PAPPA: variants seen among roughly 807,000 people sequenced by gnomAD.
PAPPA encodes pappalysin-1.
A neutral mutation model predicts 164.0 loss-of-function variants in PAPPA; 60 were observed. The observed-to-expected ratio is 0.37, with a 90% CI of 0.30 to 0.45. PAPPA has a LOEUF of 0.45. Ranked by LOEUF, PAPPA falls within the 20% of genes least tolerant of loss-of-function variation. The pLI, the probability that PAPPA is intolerant of heterozygous loss-of-function variation, is 1.00. For missense variants in PAPPA, 1,782 were observed against 2,087.3 expected (o/e 0.85, Z 2.85); for synonymous variants, 875 against 814.1 (o/e 1.07, Z -1.27).
chr9:116,200,728 T>C (rs1286816583), intron 2 of PAPPA, among the ~76,000 whole-genome samples: 1 of 152,204 alleles, frequency 6.6e-6, no homozygotes, highest in Non-Finnish European at 1.5e-5. Context: ...GCAAAGTTTC[T>C]GGCTTAAACA....
At chr9:116,253,765 T>C (rs1844889199) in intron 7 of PAPPA, among the ~76,000 whole-genome samples, 1 of 152,196 alleles carries the variant, frequency 6.6e-6, no homozygotes, top group Admixed American at 6.5e-5. Flanking sequence ...TAATCACAGC[T>C]CCAACGCCAT....
chr9:116,370,638 G>C (rs1436637516), intron 19 of PAPPA, among the ~76,000 whole-genome samples: 1 of 152,126 alleles, frequency 6.6e-6, no homozygotes, highest in Non-Finnish European at 1.5e-5. Context: ...GAAGATCCAG[G>C]CACTGCTGGC....
intron 9 of PAPPA, among the ~76,000 whole-genome samples, chr9:116,300,724 G>A (rs1194691729): frequency 2.6e-5 from 4 of 152,140 alleles, no homozygotes; most frequent in African/African-American, 9.7e-5. Flanking sequence ...AATCTGTCTT[G>A]TTTCTCCTTG....
chr9:116,292,737 G>A (rs193194516), intron 9 of PAPPA, among the ~76,000 whole-genome samples: 141 of 152,242 alleles, frequency 9.3e-4, no homozygotes, highest in Non-Finnish European at 9.9e-4. Flanking sequence ...GGCTATAAAT[G>A]TTTCAGTGAT....
intron 14 of PAPPA, among the ~76,000 whole-genome samples, chr9:116,346,304 C>A (rs1846208895): frequency 6.6e-6 from 1 of 152,140 alleles, no homozygotes. Context: ...TGGTTCAAAT[C>A]TCCATTTACT....
rs199762959 is a variant in PAPPA at position 116,226,008 on chromosome 9, TC to T, written c.2112-1422del. Among the ~76,000 whole-genome samples, 565 of 117,108 alleles carry T rather than the reference TC, an allele frequency of 4.8e-3. 8 individuals are homozygous for T. Among genetic ancestry groups the T allele is most frequent in the African/African-American group, 0.018 (549 of 30,396 alleles). The allele number at this position is 117,108 out of a possible 152,430, so 76.8% of individuals were successfully genotyped here. Reference sequence around the variant, plus strand: ...CTATTAGGATAAACTCTCCTGCATGTCAAAAAAAGTTTTCACAGAGGAAATG... The same window carrying T: ...CTATTAGGATAAACTCTCCTGCATGTAAAAAAAGTTTTCACAGAGGAAATG... On this transcript the variant is annotated intron_variant, in intron 5 of 21. Transcript: ENST00000328252.
chr9:116,274,415 G>A (rs1845173366), intron 9 of PAPPA, among the ~76,000 whole-genome samples: 1 of 152,200 alleles, frequency 6.6e-6, no homozygotes, highest in African/African-American at 2.4e-5. Context: ...TCCTCCGAAA[G>A]GAACAGCTGA....
intron 13 of PAPPA, among the ~76,000 whole-genome samples, chr9:116,339,756 G>A (rs1054045781): frequency 6.6e-6 from 1 of 152,166 alleles, no homozygotes; most frequent in Admixed American, 6.6e-5. Context: ...CGTGAGTCAA[G>A]GAACAGAACC....
At chr9:116,186,276 A>G (rs560391272) in intron 1 of PAPPA, among the ~76,000 whole-genome samples, 20 of 151,272 alleles carry the variant, frequency 1.3e-4, no homozygotes, top group African/African-American at 4.6e-4. Context: ...ATAGATATAG[A>G]TATAGATATA....
intron 13 of PAPPA, among the ~76,000 whole-genome samples, chr9:116,341,441 C>T (rs1332994737): frequency 1.3e-5 from 2 of 152,168 alleles, no homozygotes; most frequent in African/African-American, 2.4e-5. Context: ...CTGATTATAC[C>T]TCTGCCCCAA....
intron 2 of PAPPA, among the ~76,000 whole-genome samples, chr9:116,205,945 G>T (rs1844229520): frequency 6.6e-6 from 1 of 152,170 alleles, no homozygotes; most frequent in Non-Finnish European, 1.5e-5. Context: ...CCACTCTGTT[G>T]CATTGCTTCA....
intron 21 of PAPPA, among the ~76,000 whole-genome samples, chr9:116,394,747 G>T (rs1846939688): frequency 6.6e-6 from 1 of 152,210 alleles, no homozygotes; most frequent in African/African-American, 2.4e-5. Flanking sequence ...AAGAAGAGAG[G>T]TGCTGCTTGG....
intron 18 of PAPPA, among the ~76,000 whole-genome samples, chr9:116,363,594 G>A (rs1588021208): frequency 6.6e-6 from 1 of 152,300 alleles, no homozygotes; most frequent in Middle Eastern, 3.4e-3. Flanking sequence ...CAGTGATGCT[G>A]ACCTTTTGGG....
intron 6 of PAPPA, among the ~76,000 whole-genome samples, chr9:116,231,333 C>T (rs1844589065): frequency 6.6e-6 from 1 of 151,674 alleles, no homozygotes; most frequent in Non-Finnish European, 1.5e-5. Flanking sequence ...ACCTTTCCTC[C>T]TCCCCCTTCC....
intron 2 of PAPPA, among the ~76,000 whole-genome samples, chr9:116,194,015 A>G (rs1844074824): frequency 1.3e-5 from 2 of 152,204 alleles, no homozygotes; most frequent in African/African-American, 4.8e-5. Flanking sequence ...TGTAGTGATA[A>G]TAGGGTAAAT....
Position 116,154,161 on chromosome 9 carries a change from G to GGGGGGGGGGGGGC in PAPPA, c.-12_-11insGGGGGGGGGGGGC. 2 of 1,224,434 alleles carry GGGGGGGGGGGGGC rather than the reference G, an allele frequency of 1.6e-6. No homozygotes were observed. The highest frequency in any genetic ancestry group is 2.2e-6 in the Non-Finnish European group (2 of 926,424). The allele number at this position is 1,224,434 out of a possible 1,614,324, so 75.8% of individuals were successfully genotyped here. A position where few individuals can be genotyped will look rare whatever the true frequency, so the allele number is the denominator to read the frequency against. On this transcript the variant is annotated 5_prime_UTR_variant, in exon 1 of 22. Transcript: ENST00000328252. This position sits in a 1 kb window ranked among gnomAD's most constrained non-coding sequence, Gnocchi z 5.2. ...TGCAGGGGCGAAGGGGGGGCGGGGGGAACCGTCGGACATGCGGCTCTGGAG... is the reference window on the plus strand; with the variant it reads ...TGCAGGGGCGAAGGGGGGGCGGGGGGGGGGGGGGGGGGCAACCGTCGGACATGCGGCTCTGGAG...
chr9:116,183,208 G>A (rs985290076), intron 1 of PAPPA, among the ~76,000 whole-genome samples: 2 of 152,114 alleles, frequency 1.3e-5, no homozygotes, highest in African/African-American at 4.8e-5. Context: ...GAACAGCATT[G>A]TGTGTCCTGT....
chr9:116,258,004 A>T (rs1187474946), intron 7 of PAPPA, among the ~76,000 whole-genome samples: 1 of 152,044 alleles, frequency 6.6e-6, no homozygotes, highest in Non-Finnish European at 1.5e-5. Context: ...GCTTAGAGTA[A>T]GGCATATATT....
intron 10 of PAPPA, among the ~76,000 whole-genome samples, chr9:116,319,938 T>C (rs1436903664): frequency 6.6e-6 from 1 of 152,220 alleles, no homozygotes; most frequent in Non-Finnish European, 1.5e-5. Context: ...GAATGGTGTC[T>C]TAGGCCTCTA....
Sources: gnomAD v4.1 joint callset for allele counts (sites outside exome capture counted in the v4.1 genomes callset) on GRCh38, gnomAD v4.1.1 for gene constraint, Gnocchi (gnomAD v3.1) non-coding constraint, MANE v1.5 for transcripts, NCBI Gene and HGNC (gene_info 2026-07-23, HGNC 2026-07-21) for gene names.